Variants in FRK observed in about 807,000 individuals in gnomAD.
The protein encoded by FRK is fyn related Src family tyrosine kinase.
Under a neutral mutation model 56.4 loss-of-function variants are expected in FRK, and 51 were observed. The observed-to-expected ratio is 0.90, with a 90% CI of 0.72 to 1.14. FRK has a LOEUF of 1.14. Ranked by LOEUF, FRK falls within the 50% of genes most tolerant of loss-of-function variation. FRK has a pLI of 0.00. For missense variants in FRK, 570 were observed against 601.4 expected, an observed-to-expected ratio of 0.95 and a Z score of 0.55; for synonymous variants, 245 against 217.9, an observed-to-expected ratio of 1.12 and a Z score of -1.10.
At chr6:115,958,668 GAA>G (rs1773132200) in intron 4 of FRK, among the ~76,000 whole-genome samples, 2 of 2,704 alleles carry the variant, frequency 7.4e-4, no homozygotes, top group African/African-American at 2.5e-3. Flanking sequence ...AAGAAAGAAA[GAA>G]AGAAAGAAAG....
intron 4 of FRK, among the ~76,000 whole-genome samples, chr6:115,960,316 C>T (rs1440010839): frequency 1.3e-5 from 2 of 150,996 alleles, no homozygotes; most frequent in African/African-American, 2.4e-5. Context: ...CACTCCCACC[C>T]GAATATTGCG....
intron 1 of FRK, chr6:116,038,760 C>T (rs568068464): frequency 1.2e-5 from 6 of 486,838 alleles, no homozygotes; most frequent in African/African-American, 5.9e-5. Flanking sequence ...AGCGCCATGG[C>T]GACCTCCAGG....
At chr6:116,022,733 A>T (rs748395441) in intron 1 of FRK, among the ~76,000 whole-genome samples, 2 of 152,194 alleles carry the variant, frequency 1.3e-5, no homozygotes, top group Non-Finnish European at 2.9e-5. Flanking sequence ...AACAGACAAG[A>T]GCTACAAGCA....
At chr6:116,043,062 T>C (rs997720477) in intron 1 of FRK, among the ~76,000 whole-genome samples, 3 of 152,162 alleles carry the variant, frequency 2.0e-5, no homozygotes, top group Non-Finnish European at 4.4e-5. Flanking sequence ...ATGCACCCAA[T>C]ATAAGAGCAC....
At chr6:115,971,713 AGAT>A (rs1455199989) in intron 2 of FRK, among the ~76,000 whole-genome samples, 4 of 152,212 alleles carry the variant, frequency 2.6e-5, no homozygotes, top group Non-Finnish European at 4.4e-5. Flanking sequence ...GCCCAGTCCC[AGAT>A]GATAACCAAA....
At chr6:116,013,468 T>G (rs1012122644) in intron 1 of FRK, among the ~76,000 whole-genome samples, 2 of 152,188 alleles carry the variant, frequency 1.3e-5, no homozygotes, top group African/African-American at 4.8e-5. Context: ...GCATCTGCTT[T>G]GATTTTGTAC....
At chr6:116,065,245 C>T (rs1161031890), upstream of FRK, among the ~76,000 whole-genome samples, 1 of 152,150 alleles carries the variant, frequency 6.6e-6, no homozygotes, top group Non-Finnish European at 1.5e-5. Context: ...ATTAATGATC[C>T]CCAAACCCTG....
intron 1 of FRK, among the ~76,000 whole-genome samples, chr6:116,047,880 G>C (rs1236039137): frequency 6.6e-6 from 1 of 152,184 alleles, no homozygotes; most frequent in East Asian, 1.9e-4. Context: ...CTGTCCCATT[G>C]GCCAAAGCCC....
At position 115,962,410 on chromosome 6, in the gene FRK, C is replaced by A. The variant is rs1381130584; in HGVS notation, c.799+5141G>T. Among the ~76,000 whole-genome samples the A allele has an allele frequency of 5.5e-5, 8 of 144,550 alleles. 1 individual carries two copies. Among genetic ancestry groups the A allele is most frequent in the Non-Finnish European group, 9.1e-5 (6 of 65,786 alleles). 94.8% of individuals were successfully genotyped at this position (144,550 alleles called of 152,430 possible). ...GATTCATAAAGCAAGTCCTGAGTGA[C>A]CTACAAAGAGACTTAGACTCCCACA... On this transcript the variant is annotated intron_variant, in intron 4 of 7. Transcript: ENST00000606080.
rs1429809844 is a variant in FRK, at chr6:115,936,195, C to G, written c.*6219G>C. 6.4e-6 allele frequency: 1 copy of G among 155,834 alleles called. No individual in the cohort carries two copies. The highest frequency in any genetic ancestry group is 1.4e-5 in the Non-Finnish European group (1 of 71,112). The allele number at this position is 155,834 out of a possible 1,614,324, so 9.7% of individuals were successfully genotyped here. Reference sequence around the variant, plus strand: ...GCAGCCTCCACTCGTGACACCAAGGCAAACAGCATCTGGAGTGGACCTCCA... The same window carrying G: ...GCAGCCTCCACTCGTGACACCAAGGGAAACAGCATCTGGAGTGGACCTCCA... On this transcript the variant is annotated 3_prime_UTR_variant, in exon 8 of 8. Coordinates refer to ENST00000606080, the MANE Select transcript of FRK (RefSeq NM_002031.3).
chr6:116,009,126 G>A (rs1242565540), intron 1 of FRK, among the ~76,000 whole-genome samples: 5 of 152,122 alleles, frequency 3.3e-5, no homozygotes, highest in Non-Finnish European at 7.4e-5. Flanking sequence ...CTTGATGTTT[G>A]CCTTATTTTG....
Position 116,056,218 on chromosome 6 carries a change from G to C in FRK, c.344+3750C>G, listed in dbSNP as rs906968877. On this transcript the variant is annotated intron_variant, in intron 1 of 7. Coordinates refer to ENST00000606080, the MANE Select transcript of FRK (RefSeq NM_002031.3). ...TCATTTGGTTTTTTTTTTTTTTTTT[G>C]GTTGGTGGGGATTCGAGATAGGGTC... Among the ~76,000 whole-genome samples the C allele has an allele frequency of 6.5e-4, 60 of 92,554 alleles. 1 individual carries two copies. The highest frequency in any genetic ancestry group is 2.5e-3 in the African/African-American group (59 of 23,986). 60.7% of individuals were successfully genotyped at this position (92,554 alleles called of 152,430 possible).
At chr6:115,971,128 C>T (rs1773791623) in intron 2 of FRK, among the ~76,000 whole-genome samples, 1 of 152,052 alleles carries the variant, frequency 6.6e-6, no homozygotes, top group Non-Finnish European at 1.5e-5. Flanking sequence ...TTTAAAATGT[C>T]AGTGTTTTGC....
rs541902991 is a variant in FRK, at chr6:116,060,399, T to C, written c.-88A>G. The C allele has an allele frequency of 2.0e-5, 21 of 1,044,118 alleles. No individual in the cohort carries two copies. The highest frequency in any genetic ancestry group is 6.4e-5 in the African/African-American group (4 of 62,844). 64.7% of individuals were successfully genotyped at this position (1,044,118 alleles called of 1,614,324 possible). ...CCTTATCTTCCTTCACCAGGCAACT[T>C]TGAAGTCAGCACCAACTCACCATAC... On this transcript the variant is annotated 5_prime_UTR_variant, in exon 1 of 8. Transcript: ENST00000606080.
In FRK at chr6:115,967,598, C is replaced by T. The variant is rs2114600187; in HGVS notation, c.752G>A (p.Gly251Asp). The change falls in exon 4 of 8, where the codon GGT becomes GAT. Residue 251 changes from glycine (G) to aspartate (D), a missense_variant. By Grantham distance (94) the Gly-to-Asp change is moderately conservative. Transcript: ENST00000606080. ...GSGQFGEVWE[G>D]LWNNTTPVAV... is the part of the protein sequence containing the mutation. ...TACTGGAGTGGTATTGTTCCACAGA[C>T]CTTCCCATACTTCGCCAAACTGACC... 1 of 1,613,818 alleles carries T rather than the reference C, an allele frequency of 6.2e-7. No homozygotes were observed. The highest frequency in any genetic ancestry group is 8.5e-7 in the Non-Finnish European group (1 of 1,179,796).
chr6:116,038,571 G>A (rs1254902498), intron 1 of FRK, among the ~76,000 whole-genome samples: 2 of 152,230 alleles, frequency 1.3e-5, no homozygotes, highest in Admixed American at 6.5e-5. Flanking sequence ...AGTATCTGCT[G>A]TGAGGAAGCA....
At chr6:116,038,806 G>A in intron 1 of FRK, 1 of 503,404 alleles carries the variant, frequency 2.0e-6, no homozygotes, top group South Asian at 1.6e-5. Flanking sequence ...TGAACCGACG[G>A]AAGAAGAGCC....
chr6:115,996,241 A>T (rs929409967), intron 2 of FRK, among the ~76,000 whole-genome samples: 21 of 152,138 alleles, frequency 1.4e-4, no homozygotes, highest in African/African-American at 4.6e-4. Flanking sequence ...ACTGACAAAC[A>T]CTAGTGGCCA....
intron 5 of FRK, among the ~76,000 whole-genome samples, chr6:115,951,774 C>T (rs562595589): frequency 6.6e-6 from 1 of 152,298 alleles, no homozygotes; most frequent in African/African-American, 2.4e-5. Flanking sequence ...ACATTTCCTA[C>T]TTTGAAGGGT....
Sources: gnomAD v4.1 joint callset for allele counts (sites outside exome capture counted in the v4.1 genomes callset) on GRCh38, gnomAD v4.1.1 for gene constraint, MANE v1.5 for transcripts, NCBI Gene and HGNC (gene_info 2026-07-23, HGNC 2026-07-21) for gene names.